The following NRXN1 variants were observed in gnomAD, a reference collection of about 807,000 sequenced individuals.
NRXN1 encodes neurexin-1.
Under a neutral mutation model 150.9 loss-of-function variants are expected in NRXN1, and 39 were observed. The ratio of observed to expected loss-of-function variants is 0.26; its 90% confidence interval spans 0.20 to 0.34. The LOEUF (loss-of-function observed/expected upper bound fraction) is 0.34, where lower values mean the gene tolerates loss of function less well. Ranked by LOEUF, NRXN1 falls within the 10% of genes least tolerant of loss-of-function variation. The pLI, the probability that NRXN1 is intolerant of heterozygous loss-of-function variation, is 1.00. For missense variants in NRXN1, 1,815 were observed against 1,949.9 expected, an observed-to-expected ratio of 0.93 and a Z score of 1.30; for synonymous variants, 924 against 757.0, an observed-to-expected ratio of 1.22 and a Z score of -3.62.
intron 18 of NRXN1, among the ~76,000 whole-genome samples, chr2:50,121,500 G>A (rs1703851931): frequency 6.6e-6 from 1 of 152,176 alleles, no homozygotes; most frequent in Admixed American, 6.5e-5. Context: ...TGTAAGTGAT[G>A]TGCAAACACT....
chr2:50,129,558 C>T (rs958150216), intron 18 of NRXN1, among the ~76,000 whole-genome samples: 1 of 152,036 alleles, frequency 6.6e-6, no homozygotes, highest in Non-Finnish European at 1.5e-5. Flanking sequence ...TTTGCTTGAA[C>T]AACAACTAAG....
chr2:50,971,320 C>T (rs964952821), intron 2 of NRXN1, among the ~76,000 whole-genome samples: 2 of 152,126 alleles, frequency 1.3e-5, no homozygotes, highest in Admixed American at 1.3e-4. Context: ...CGTGGTGGCT[C>T]ACACCTGTAA....
At chr2:50,274,237 G>A (rs1427180973) in intron 17 of NRXN1, among the ~76,000 whole-genome samples, 1 of 152,160 alleles carries the variant, frequency 6.6e-6, no homozygotes, top group East Asian at 1.9e-4. Context: ...GGACATGGAT[G>A]AAGCTGGAAA....
chr2:50,751,662 G>C (rs190071355), intron 5 of NRXN1, among the ~76,000 whole-genome samples: 17 of 152,038 alleles, frequency 1.1e-4, no homozygotes, highest in African/African-American at 3.4e-4. Context: ...TGCATAACTA[G>C]CTTTCATGAT....
At chr2:50,039,880 A>G (rs965350380) in intron 21 of NRXN1, among the ~76,000 whole-genome samples, 3 of 152,240 alleles carry the variant, frequency 2.0e-5, no homozygotes, top group African/African-American at 7.2e-5. Context: ...TGAGCAACTG[A>G]TAAGTGCAAG....
chr2:50,271,304 G>GA, intron 17 of NRXN1, among the ~76,000 whole-genome samples: 1 of 152,170 alleles, frequency 6.6e-6, no homozygotes, highest in Admixed American at 6.5e-5. Flanking sequence ...TTGTCTACAA[G>GA]AAAAAATATA....
At chr2:50,659,881 A>G (rs1426671122) in intron 5 of NRXN1, among the ~76,000 whole-genome samples, 1 of 152,098 alleles carries the variant, frequency 6.6e-6, no homozygotes, top group South Asian at 2.1e-4. Context: ...TTAAGTTTCT[A>G]TTTTAATATG....
chr2:49,943,870 A>C, intron 21 of NRXN1, 79 bp from the exon 22 acceptor site: 1 of 1,060,288 alleles, frequency 9.4e-7, no homozygotes. Flanking sequence ...TGACAAGTGA[A>C]ATACAATTTG....
rs138626390 is a variant in NRXN1, at chr2:50,012,132, T to C, written c.4128+41139A>G. 4.9e-3 allele frequency among the ~76,000 whole-genome samples: 743 copies of C among 152,264 alleles called. 5 individuals carry two copies. Among genetic ancestry groups the C allele is most frequent in the Non-Finnish European group, 7.7e-3 (524 of 67,976 alleles). On this transcript the variant is annotated intron_variant, in intron 21 of 22. Transcript: ENST00000401669. The stretch of plus-strand genomic sequence containing the variant: ...GGTTGGTAACAACAATAATGGTTCA[T>C]GGACAACCTAGAATATTTCATATTT...
intron 17 of NRXN1, among the ~76,000 whole-genome samples, chr2:50,281,026 C>A (rs922939482): frequency 6.6e-6 from 1 of 151,686 alleles, no homozygotes; most frequent in African/African-American, 2.4e-5. Flanking sequence ...CATAATAGGC[C>A]GGGCGCGGTG....
Position 49,919,504 on chromosome 2 carries a change from A to ATCTT in NRXN1, c.*2436_*2439dup, listed in dbSNP as rs1667842651. The stretch of plus-strand genomic sequence containing the variant: ...AATTTATTTTCTATTATATTTTAGA[A>ATCTT]TCTTTCCAGATGGAAACTGGTTCAA... On this transcript the variant is annotated 3_prime_UTR_variant, in exon 23 of 23. Coordinates refer to ENST00000401669, the MANE Select transcript of NRXN1 (RefSeq NM_001330078.2). 2.0e-5 allele frequency: 3 copies of ATCTT among 152,136 alleles called. No homozygotes were observed. In the South Asian group the frequency reaches 6.2e-4, roughly 31 times the overall value. The allele number at this position is 152,136 out of a possible 1,614,324, so 9.4% of individuals were successfully genotyped here. A position where few individuals can be genotyped will look rare whatever the true frequency, so the allele number is the denominator to read the frequency against.
At chr2:50,622,675 T>A (rs1441514379) in intron 6 of NRXN1, among the ~76,000 whole-genome samples, 2 of 152,286 alleles carry the variant, frequency 1.3e-5, no homozygotes, top group East Asian at 1.9e-4. Context: ...AAAAGTTTTT[T>A]TAAAAAAATA....
intron 21 of NRXN1, among the ~76,000 whole-genome samples, chr2:49,967,958 A>G (rs1677243100): frequency 6.6e-6 from 1 of 152,084 alleles, no homozygotes; most frequent in African/African-American, 2.4e-5. Flanking sequence ...AAAATATCCC[A>G]TAATTCTTCA....
rs190049957 is a variant in NRXN1 at position 50,330,478 on chromosome 2, C to T, written c.3365-93508G>A. ...GGCCACGTCCTTTTGCTTTAACCTC[C>T]CATCCCCAGGGATTTCACATTAGAA... On this transcript the variant is annotated intron_variant, in intron 17 of 22. Coordinates refer to ENST00000401669, the MANE Select transcript of NRXN1 (RefSeq NM_001330078.2). Among the ~76,000 whole-genome samples the T allele has an allele frequency of 3.3e-5, 5 of 152,202 alleles. No individual in the cohort carries two copies. The East Asian group carries it at 9.7e-4, about 29-fold the overall frequency.
intron 5 of NRXN1, among the ~76,000 whole-genome samples, chr2:50,675,867 C>T (rs1439158324): frequency 6.6e-6 from 1 of 151,964 alleles, no homozygotes; most frequent in African/African-American, 2.4e-5. Context: ...TTAGCTCCAT[C>T]AAGAGCAAGA....
At chr2:50,695,194 C>T (rs889840) in intron 5 of NRXN1, among the ~76,000 whole-genome samples, 1 of 149,418 alleles carries the variant, frequency 6.7e-6, no homozygotes, top group Non-Finnish European at 1.5e-5. Context: ...AAGGGGGTGG[C>T]GGTGGGGGGA....
chr2:50,808,288 A>G (rs140923174), intron 5 of NRXN1, among the ~76,000 whole-genome samples: 177 of 152,238 alleles, frequency 1.2e-3, no homozygotes, highest in African/African-American at 4.1e-3. Context: ...AAATAGCTAC[A>G]TTATATCATA....
At chr2:50,753,334 T>C (rs1307151258) in intron 5 of NRXN1, among the ~76,000 whole-genome samples, 2 of 151,848 alleles carry the variant, frequency 1.3e-5, no homozygotes, top group Non-Finnish European at 2.9e-5. Context: ...TTTCAGGAAA[T>C]CTCAAATGGG....
At chr2:50,926,222 T>C (rs1399357820) in intron 2 of NRXN1, among the ~76,000 whole-genome samples, 1 of 151,956 alleles carries the variant, frequency 6.6e-6, no homozygotes, top group African/African-American at 2.4e-5. Context: ...AACTACCCAG[T>C]ATAAAGCAAA....
Sources: gnomAD v4.1 joint callset for allele counts (sites outside exome capture counted in the v4.1 genomes callset) on GRCh38, gnomAD v4.1.1 for gene constraint, MANE v1.5 for transcripts, NCBI Gene and HGNC (gene_info 2026-07-23, HGNC 2026-07-21) for gene names.